The following OTOGL variants were observed in gnomAD, a reference collection of about 807,000 sequenced individuals.
OTOGL encodes otogelin like, also known as otogelin-like protein.
Under a neutral mutation model 318.5 loss-of-function variants are expected in OTOGL, and 285 were observed. The observed-to-expected ratio is 0.89, with a 90% CI of 0.81 to 0.99. The LOEUF (loss-of-function observed/expected upper bound fraction) is 0.99. Ranked by LOEUF, OTOGL falls within the 50% of genes least tolerant of loss-of-function variation. The pLI is 0.00. For missense variants in OTOGL, 2,899 were observed against 2,845.6 expected, an observed-to-expected ratio of 1.02 and a Z score of -0.43; for synonymous variants, 987 against 936.5, an observed-to-expected ratio of 1.05 and a Z score of -0.99.
At chr12:80,353,279 T>A (rs1566007744) in intron 45 of OTOGL, 46 bp from the exon 46 acceptor site, 1 of 1,242,454 alleles carries the variant, frequency 8.0e-7, no homozygotes, top group South Asian at 2.8e-5. Flanking sequence ...AGAATTTAAA[T>A]AAGTTACTTT....
intron 1 of OTOGL, among the ~76,000 whole-genome samples, chr12:80,169,367 T>C (rs1257558498): frequency 2.0e-5 from 3 of 152,142 alleles, no homozygotes; most frequent in African/African-American, 7.2e-5. Flanking sequence ...TCTTGTCCCC[T>C]CTCCTCCAAA....
chr12:80,297,489 C>A (rs1214662265), intron 27 of OTOGL, among the ~76,000 whole-genome samples: 2 of 152,006 alleles, frequency 1.3e-5, no homozygotes, highest in South Asian at 4.2e-4. Context: ...CACGCCACCA[C>A]GCCTGGCTAA....
intron 1 of OTOGL, among the ~76,000 whole-genome samples, chr12:80,146,541 A>T (rs914167420): frequency 5.3e-5 from 8 of 150,570 alleles, no homozygotes; most frequent in Non-Finnish European, 1.0e-4. Context: ...TGTCTCTGCC[A>T]GGCTTTGGTA....
At chr12:80,191,654 C>T (rs1875706140) in intron 1 of OTOGL, among the ~76,000 whole-genome samples, 2 of 152,126 alleles carry the variant, frequency 1.3e-5, no homozygotes, top group African/African-American at 4.8e-5. Context: ...TGGCCTCTTA[C>T]TGGGACAGAA....
intron 58 of OTOGL, among the ~76,000 whole-genome samples, 152 bp from the exon 59 acceptor site, chr12:80,377,696 T>C (rs1891243524): frequency 6.6e-6 from 1 of 152,150 alleles, no homozygotes; most frequent in Non-Finnish European, 1.5e-5. Flanking sequence ...TGATGTTTCA[T>C]TTATTGTTTT....
At position 80,313,700 on chromosome 12, in the gene OTOGL, T is replaced by C. The variant is rs567480161; in HGVS notation, c.3607+68T>C. The C allele has an allele frequency of 8.9e-6, 12 of 1,349,750 alleles. 1 individual carries two copies. In the East Asian group the frequency reaches 2.6e-4, roughly 29 times the overall value. 83.6% of individuals were successfully genotyped at this position (1,349,750 alleles called of 1,614,324 possible). A position where few individuals can be genotyped will look rare whatever the true frequency, so the allele number is the denominator to read the frequency against. On this transcript the variant is annotated intron_variant, in intron 31 of 58. Transcript: ENST00000547103. ...AAGAGATACATATTAATTGTTGATT[T>C]AGCTTAGAAATAATGCCAGGAGACT...
chr12:80,114,425 A>G (rs1421752184), intron 1 of OTOGL, among the ~76,000 whole-genome samples: 1 of 152,164 alleles, frequency 6.6e-6, no homozygotes, highest in African/African-American at 2.4e-5. Flanking sequence ...TTCTTTAAGA[A>G]CGTTGCATAT....
intron 1 of OTOGL, among the ~76,000 whole-genome samples, chr12:80,106,217 G>T (rs1869445427): frequency 6.6e-6 from 1 of 152,196 alleles, no homozygotes; most frequent in Admixed American, 6.5e-5. Context: ...AGATTCGTCA[G>T]CTCTTAGCAG....
intron 56 of OTOGL, 145 bp from the exon 57 acceptor site, chr12:80,371,874 G>T (rs1006657657): frequency 1.4e-5 from 6 of 436,042 alleles, no homozygotes; most frequent in Non-Finnish European, 2.3e-5. Flanking sequence ...GTTCTTTTTA[G>T]TAATAGTTAA....
rs768480893 is a variant in OTOGL, at chr12:80,296,846, T to C, written c.2948T>C (p.Ile983Thr). The C allele has an allele frequency of 4.6e-6, 7 of 1,513,818 alleles. No individual in the cohort carries two copies. The highest frequency in any genetic ancestry group is 4.1e-5 in the African/African-American group (3 of 72,696). The allele number at this position is 1,513,818 out of a possible 1,614,324, so 93.8% of individuals were successfully genotyped here. A position where few individuals can be genotyped will look rare whatever the true frequency, so the allele number is the denominator to read the frequency against. Residue 983 changes from isoleucine to threonine, a missense_variant, in exon 27 of 59, where the codon ATA (isoleucine) becomes ACA (threonine). Physicochemically the swap from Ile to Thr is moderately conservative, Grantham distance 89. Coordinates refer to ENST00000547103, the MANE Select transcript of OTOGL (RefSeq NM_001378609.3). ...FLIKSADDSD[I>T]SVIAQNKKCF... ...TTTCAGAGTGCAGATGATTCAGATA[T>C]ATCTGTCATTGCCCAGAACAAGAAA...
chr12:80,279,043 A>G lies in OTOGL; in HGVS notation c.2805A>G (p.Gly935=). ...TPCYTCVCRR[G]MFNCTYYPCP... ...TTTTTAATAGCGTTTGTCGACGAGGAATGTTCAATTGCACATATTATCCAT... is the reference window on the plus strand; with the variant it reads ...TTTTTAATAGCGTTTGTCGACGAGGGATGTTCAATTGCACATATTATCCAT... The change falls in exon 26 of 59, where the codon GGA becomes GGG. Residue 935 remains glycine (G), a synonymous_variant. Coordinates refer to ENST00000547103, the MANE Select transcript of OTOGL (RefSeq NM_001378609.3). 1.3e-6 allele frequency: 2 copies of G among 1,581,548 alleles called. No individual in the cohort carries two copies. The highest frequency in any genetic ancestry group is 1.7e-6 in the Non-Finnish European group (2 of 1,168,954).
intron 29 of OTOGL, among the ~76,000 whole-genome samples, chr12:80,306,361 T>C (rs967895549): frequency 2.0e-5 from 3 of 152,230 alleles, no homozygotes; most frequent in African/African-American, 4.8e-5. Flanking sequence ...TTTTGAAAAA[T>C]GCTGAACTCA....
intron 52 of OTOGL, among the ~76,000 whole-genome samples, chr12:80,364,624 A>G (rs1234373074): frequency 6.6e-6 from 1 of 151,890 alleles, no homozygotes. Context: ...CTGTCTCTCC[A>G]TGTATTTCTG....
At chr12:80,245,062 C>T (rs561783223) in intron 11 of OTOGL, among the ~76,000 whole-genome samples, 1 of 137,302 alleles carries the variant, frequency 7.3e-6, no homozygotes, top group South Asian at 2.3e-4. Flanking sequence ...TGGATATTAG[C>T]CCTTTGTCAG....
intron 44 of OTOGL, 108 bp from the exon 45 acceptor site, chr12:80,352,187 T>C (rs1489072419): frequency 7.0e-6 from 7 of 998,966 alleles, no homozygotes; most frequent in African/African-American, 1.6e-5. Context: ...TGAAGTATAA[T>C]GAATATTAAC....
chr12:80,343,775 G>A (rs1888991838), intron 44 of OTOGL: 1 of 152,034 alleles, frequency 6.6e-6, no homozygotes, highest in East Asian at 1.9e-4. Flanking sequence ...ATGTCACAGC[G>A]AGATCTCTCT....
intron 42 of OTOGL, 142 bp downstream of exon 42, chr12:80,337,146 ATG>A: frequency 3.0e-6 from 2 of 677,786 alleles, no homozygotes; most frequent in Non-Finnish European, 4.8e-6. Context: ...ACAATATAAA[ATG>A]TGTTTCTTAA....
chr12:80,325,773 T>A (rs960799554), intron 35 of OTOGL, among the ~76,000 whole-genome samples: 4 of 152,012 alleles, frequency 2.6e-5, no homozygotes, highest in Admixed American at 6.6e-5. Context: ...GCGAAGGGCA[T>A]GTGGGGAAGG....
intron 11 of OTOGL, among the ~76,000 whole-genome samples, chr12:80,251,073 A>G (rs984970130): frequency 6.6e-6 from 1 of 152,246 alleles, no homozygotes; most frequent in African/African-American, 2.4e-5. Flanking sequence ...AATCTTTCAA[A>G]CAACCCAATT....
Sources: gnomAD v4.1 joint callset for allele counts (sites outside exome capture counted in the v4.1 genomes callset) on GRCh38, gnomAD v4.1.1 for gene constraint, MANE v1.5 for transcripts, NCBI Gene and HGNC (gene_info 2026-07-23, HGNC 2026-07-21) for gene names.